The following TENM4 variants were observed in gnomAD, a reference collection of about 807,000 sequenced individuals.
The protein encoded by TENM4 is teneurin-4.
In TENM4, 82 loss-of-function variants were observed where a neutral mutation model predicts 243.3. That is an observed-to-expected ratio of 0.34 (90% CI 0.28 to 0.40). The LOEUF (loss-of-function observed/expected upper bound fraction) is 0.40, where lower values mean the gene tolerates loss of function less well. Among genes scored for constraint, TENM4 ranks in the 10% least tolerant of loss-of-function variants. The probability of loss-of-function intolerance (pLI) is 1.00; values close to 1 mark genes in which losing one functional copy is unlikely to be tolerated. For synonymous variants in TENM4, 1,412 were observed against 1,456.3 expected (o/e 0.97, Z 0.69); for missense variants, 3,138 against 3,673.3 (o/e 0.85, Z 3.77).
At chr11:79,142,348 G>GA (rs146660803) in intron 4 of TENM4, among the ~76,000 whole-genome samples, 4 of 149,748 alleles carry the variant, frequency 2.7e-5, no homozygotes, top group Non-Finnish European at 5.9e-5. Flanking sequence ...CAAACAATCA[G>GA]AAAAAAAAAT....
intron 7 of TENM4, among the ~76,000 whole-genome samples, chr11:78,902,353 G>A (rs375857154): frequency 2.0e-5 from 3 of 152,182 alleles, no homozygotes; most frequent in African/African-American, 7.2e-5. Context: ...TGTGTAGGCA[G>A]AGGGAAGGAG....
At chr11:78,733,970 C>T (rs1855730675) in intron 20 of TENM4, among the ~76,000 whole-genome samples, 1 of 152,130 alleles carries the variant, frequency 6.6e-6, no homozygotes, top group Non-Finnish European at 1.5e-5. Context: ...GGGCGGATCA[C>T]CTGAGATCAG....
At chr11:79,428,623 G>A (rs1196333177) in intron 1 of TENM4, among the ~76,000 whole-genome samples, 1 of 152,184 alleles carries the variant, frequency 6.6e-6, no homozygotes, top group Non-Finnish European at 1.5e-5. Context: ...CCAGGCAAGG[G>A]CCAGGCATTT....
chr11:78,975,608 A>C (rs1338038333), intron 6 of TENM4, among the ~76,000 whole-genome samples: 1 of 118,208 alleles, frequency 8.5e-6, no homozygotes, highest in Admixed American at 8.0e-5. Flanking sequence ...CCACACACAC[A>C]CACACACACA....
At chr11:78,864,501 G>C (rs1858913487) in intron 9 of TENM4, among the ~76,000 whole-genome samples, 1 of 138,394 alleles carries the variant, frequency 7.2e-6, no homozygotes, top group Admixed American at 7.4e-5. Context: ...AAAAAGTCTT[G>C]TACGACAATC....
intron 1 of TENM4, among the ~76,000 whole-genome samples, chr11:79,368,748 G>A (rs528432807): frequency 6.6e-6 from 1 of 152,328 alleles, no homozygotes; most frequent in South Asian, 2.1e-4. Flanking sequence ...TGCAGATAAG[G>A]AGTTTATAAT....
At chr11:78,861,561 C>T (rs1431896586) in intron 10 of TENM4, among the ~76,000 whole-genome samples, 1 of 152,146 alleles carries the variant, frequency 6.6e-6, no homozygotes, top group Non-Finnish European at 1.5e-5. Context: ...CTGGCTTTGT[C>T]CCTCAAAATA....
At chr11:79,158,017 A>G (rs928316698) in intron 3 of TENM4, among the ~76,000 whole-genome samples, 1 of 152,090 alleles carries the variant, frequency 6.6e-6, no homozygotes, top group Non-Finnish European at 1.5e-5. Flanking sequence ...AGCTAGCACA[A>G]TTATGCTGTG....
chr11:79,064,268 A>G (rs1444176584), intron 6 of TENM4, among the ~76,000 whole-genome samples: 1 of 152,212 alleles, frequency 6.6e-6, no homozygotes, highest in Non-Finnish European at 1.5e-5. Flanking sequence ...CCCAAATGAC[A>G]GTTTTTGTTT....
chr11:79,085,168 C>A (rs967002962), intron 4 of TENM4, among the ~76,000 whole-genome samples: 1 of 151,416 alleles, frequency 6.6e-6, no homozygotes, highest in Non-Finnish European at 1.5e-5. Context: ...GTCAGGAGAT[C>A]GAGACCATCC....
At chr11:79,028,776 C>T (rs1245609138) in intron 6 of TENM4, among the ~76,000 whole-genome samples, 1 of 152,200 alleles carries the variant, frequency 6.6e-6, no homozygotes, top group South Asian at 2.1e-4. Context: ...AGGTATTACC[C>T]GCTCTCCAAG....
intron 12 of TENM4, among the ~76,000 whole-genome samples, chr11:78,814,747 T>C (rs1344421159): frequency 1.3e-5 from 2 of 152,246 alleles, no homozygotes; most frequent in Non-Finnish European, 2.9e-5. Flanking sequence ...GTGATTCTTA[T>C]AGTCTTCTTT....
chr11:78,825,001 C>A (rs1057011429), intron 12 of TENM4, among the ~76,000 whole-genome samples: 37 of 152,162 alleles, frequency 2.4e-4, no homozygotes, highest in African/African-American at 7.2e-4. Flanking sequence ...TACCAGTATT[C>A]AAAAATCAAA....
chr11:78,769,163 T>C (rs1419683569), intron 18 of TENM4, among the ~76,000 whole-genome samples: 2 of 152,174 alleles, frequency 1.3e-5, no homozygotes, highest in African/African-American at 4.8e-5. Context: ...TTATTAGTCA[T>C]TGGAATTGTG....
intron 7 of TENM4, among the ~76,000 whole-genome samples, chr11:78,899,561 G>A (rs866844857): frequency 7.9e-6 from 1 of 127,288 alleles, no homozygotes; most frequent in Non-Finnish European, 1.6e-5. Context: ...TCAAAAAGCG[G>A]GGGGGGGGGG....
intron 8 of TENM4, among the ~76,000 whole-genome samples, chr11:78,890,685 G>A (rs1428960940): frequency 6.6e-6 from 1 of 152,150 alleles, no homozygotes; most frequent in African/African-American, 2.4e-5. Flanking sequence ...AGCTGTGTCG[G>A]GGGACAGACA....
chr11:79,431,696 C>T (rs1859171763), intron 1 of TENM4, among the ~76,000 whole-genome samples: 1 of 152,136 alleles, frequency 6.6e-6, no homozygotes. Context: ...AAATAGTCTG[C>T]CTGTAGTCAT....
intron 6 of TENM4, among the ~76,000 whole-genome samples, chr11:79,061,987 A>G: frequency 6.9e-6 from 1 of 145,588 alleles, no homozygotes; most frequent in African/African-American, 2.6e-5. Context: ...TTTTTGACAG[A>G]GTCTAGCTCT....
chr11:78,848,353 T>G (rs536979321), intron 12 of TENM4, among the ~76,000 whole-genome samples: 21 of 152,306 alleles, frequency 1.4e-4, no homozygotes, highest in South Asian at 4.1e-4. Context: ...AGGCTCTCCT[T>G]GATAACTCAT....
Sources: gnomAD v4.1 joint callset for allele counts (sites outside exome capture counted in the v4.1 genomes callset) on GRCh38, gnomAD v4.1.1 for gene constraint, MANE v1.5 for transcripts, NCBI Gene and HGNC (gene_info 2026-07-23, HGNC 2026-07-21) for gene names.